ATXN2: variants seen among roughly 807,000 people sequenced by gnomAD.
The protein encoded by ATXN2 is ataxin 2.
Under a neutral mutation model 138.6 loss-of-function variants are expected in ATXN2, and 37 were observed. The ratio of observed to expected loss-of-function variants is 0.27; its 90% CI spans 0.21 to 0.35. ATXN2 has a LOEUF of 0.35. Ranked by LOEUF, ATXN2 falls within the 10% of genes least tolerant of loss-of-function variation. The pLI, the probability that ATXN2 is intolerant of heterozygous loss-of-function variation, is 1.00. For synonymous variants in ATXN2, 549 were observed against 543.7 expected, an observed-to-expected ratio of 1.01 and a Z score of -0.13; for missense variants, 1,216 against 1,480.3, an observed-to-expected ratio of 0.82 and a Z score of 2.93.
intron 14 of ATXN2, among the ~76,000 whole-genome samples, chr12:111,497,216 G>A (rs563313396): frequency 3.9e-5 from 6 of 152,056 alleles, no homozygotes; most frequent in Admixed American, 6.6e-5. Flanking sequence ...AACAAGTAAC[G>A]AGATCAAAGC....
Position 111,599,298 on chromosome 12 carries a change from C to G in ATXN2, c.-264G>C, listed in dbSNP as rs1380791606. On this transcript the variant is annotated 5_prime_UTR_variant, in exon 1 of 25. Transcript: ENST00000673436. ...CCGTTGCTACCAAAACAGTCTGAGG[C>G]GGAGGGAGGCGAGCTCTGCCGGGAG... 1 of 896,028 alleles carries G rather than the reference C, an allele frequency of 1.1e-6. No individual in the cohort carries two copies. The highest frequency in any genetic ancestry group is 3.1e-5 in the African/African-American group (1 of 32,520). The allele number at this position is 896,028 out of a possible 1,614,324, so 55.5% of individuals were successfully genotyped here. A position where few individuals can be genotyped will look rare whatever the true frequency, so the allele number is the denominator to read the frequency against.
rs987203886 is a variant in ATXN2 at position 111,489,728 on chromosome 12, C to T, written c.1936-948G>A. On this transcript the variant is annotated intron_variant, in intron 14 of 24. Transcript: ENST00000673436. ...CTTAAGCTCAGGAGTTCAAGACCAGCCTGGGCAACATAGTGATACCCTGTC... is the reference window on the plus strand; with the variant it reads ...CTTAAGCTCAGGAGTTCAAGACCAGTCTGGGCAACATAGTGATACCCTGTC... Among the ~76,000 whole-genome samples, 3 of 151,572 alleles carry T rather than the reference C, an allele frequency of 2.0e-5. No homozygotes were observed. The East Asian group carries it at 5.8e-4, about 29-fold the overall frequency.
At chr12:111,467,108 T>C (rs1395637302) in intron 20 of ATXN2, among the ~76,000 whole-genome samples, 1 of 151,974 alleles carries the variant, frequency 6.6e-6, no homozygotes, top group African/African-American at 2.4e-5. Flanking sequence ...AATTATGGCT[T>C]ATGATGGCAT....
chr12:111,548,813 G>T (rs188389478), intron 5 of ATXN2, among the ~76,000 whole-genome samples: 1 of 152,246 alleles, frequency 6.6e-6, no homozygotes, highest in Non-Finnish European at 1.5e-5. Flanking sequence ...CTGCCTCCCG[G>T]GTTCAAGCGA....
chr12:111,514,869 A>T (rs1403516554), intron 10 of ATXN2, among the ~76,000 whole-genome samples: 1 of 152,242 alleles, frequency 6.6e-6, no homozygotes, highest in Non-Finnish European at 1.5e-5. Context: ...GAAATATTCA[A>T]CATCTCTGAA....
chr12:111,464,246 G>T (rs1309533558), intron 21 of ATXN2, among the ~76,000 whole-genome samples: 1 of 139,032 alleles, frequency 7.2e-6, no homozygotes, highest in African/African-American at 3.0e-5. Context: ...TTGTGGCTTG[G>T]GGTGTGTGTG....
At chr12:111,527,264 C>G (rs1219392993) in intron 5 of ATXN2, among the ~76,000 whole-genome samples, 1 of 152,190 alleles carries the variant, frequency 6.6e-6, no homozygotes, top group Admixed American at 6.6e-5. Flanking sequence ...GCTGATCTGG[C>G]TCTGCTGAGG....
intron 5 of ATXN2, among the ~76,000 whole-genome samples, chr12:111,533,324 G>C (rs1016531203): frequency 2.0e-5 from 3 of 152,260 alleles, no homozygotes. Context: ...AAAATCCAGG[G>C]ATGCTTAAGT....
intron 6 of ATXN2, among the ~76,000 whole-genome samples, chr12:111,524,221 A>G (rs943469078): frequency 6.6e-6 from 1 of 152,210 alleles, no homozygotes; most frequent in Admixed American, 6.5e-5. Context: ...GTCCAGTTTT[A>G]TTACTAGACT....
chr12:111,458,989 C>T (rs979317669), intron 21 of ATXN2, among the ~76,000 whole-genome samples: 1 of 152,168 alleles, frequency 6.6e-6, no homozygotes, highest in Non-Finnish European at 1.5e-5. Context: ...AGAGCCAGTT[C>T]TAGGATCACC....
At chr12:111,519,358 C>T (rs143488539) in intron 8 of ATXN2, among the ~76,000 whole-genome samples, 1 of 152,290 alleles carries the variant, frequency 6.6e-6, no homozygotes, top group African/African-American at 2.4e-5. Context: ...ACAACCAGCC[C>T]TCTCCTGAGC....
At position 111,598,966 on chromosome 12, in the gene ATXN2, C is replaced by CTGCTGCTGT. The variant is rs1555246691; in HGVS notation, c.68_69insACAGCAGCA (p.Gln26_Gln28dup). ...CGGGCGGCGGCTGCTGCTGCTGCTG[C>CTGCTGCTGT]TGCTGCTGCTGTTGCTGCTGCTGCT... On this transcript the variant is annotated inframe_insertion, in exon 1 of 25. Transcript: ENST00000673436. The surrounding 1 kb of genome is among the most constrained non-coding windows in gnomAD (Gnocchi z 4.5). 372 of 1,502,772 alleles carry CTGCTGCTGT rather than the reference C, an allele frequency of 2.5e-4. No homozygotes were observed. The highest frequency in any genetic ancestry group is 6.2e-4 in the East Asian group (23 of 37,236). The allele number at this position is 1,502,772 out of a possible 1,614,324, so 93.1% of individuals were successfully genotyped here. A position where few individuals can be genotyped will look rare whatever the true frequency, so the allele number is the denominator to read the frequency against.
At chr12:111,539,288 A>C (rs1881360290) in intron 5 of ATXN2, among the ~76,000 whole-genome samples, 2 of 149,816 alleles carry the variant, frequency 1.3e-5, no homozygotes. Context: ...AGTTCAAGAC[A>C]GCCTGGGCAA....
chr12:111,515,580 C>G (rs1490914035), intron 10 of ATXN2, among the ~76,000 whole-genome samples: 1 of 152,152 alleles, frequency 6.6e-6, no homozygotes. Flanking sequence ...ATTAAAGCAG[C>G]CTTTCACTAT....
In ATXN2 at chr12:111,515,679, G is replaced by A. The variant is rs539404962; in HGVS notation, c.1375+475C>T. On this transcript the variant is annotated intron_variant, in intron 10 of 24. Transcript: ENST00000673436. ...TAAAAATCAACTACTTTAATCTAAG[G>A]GCAGACACGCAAAGTCAGCTACATG... is the stretch of plus-strand genomic sequence containing the variant. Among the ~76,000 whole-genome samples, 8 of 152,210 alleles carry A rather than the reference G, an allele frequency of 5.3e-5. No homozygotes were observed. The South Asian group carries it at 1.7e-3, about 32-fold the overall frequency.
At chr12:111,549,899 T>TA (rs1431763717) in intron 5 of ATXN2, among the ~76,000 whole-genome samples, 1 of 151,490 alleles carries the variant, frequency 6.6e-6, no homozygotes, top group Non-Finnish European at 1.5e-5. Context: ...CCGTCTCTAC[T>TA]AAAAATACAA....
rs895780586 is a variant in ATXN2 at position 111,509,822 on chromosome 12, A to G, written c.1864+69T>C. ...GAAATGTTGAACAAAAATATTCTGT[A>G]TGGGCATGAAATTAGACATACTTCT... On this transcript the variant is annotated intron_variant, in intron 13 of 24. Transcript: ENST00000673436. 2.5e-6 allele frequency: 3 copies of G among 1,214,158 alleles called. No individual in the cohort carries two copies. In the African/African-American group the frequency reaches 4.5e-5, roughly 18 times the overall value. The allele number at this position is 1,214,158 out of a possible 1,614,324, so 75.2% of individuals were successfully genotyped here. A position where few individuals can be genotyped will look rare whatever the true frequency, so the allele number is the denominator to read the frequency against.
At chr12:111,548,422 A>G (rs1028770932) in intron 5 of ATXN2, among the ~76,000 whole-genome samples, 3 of 152,150 alleles carry the variant, frequency 2.0e-5, no homozygotes, top group African/African-American at 7.2e-5. Context: ...ATGTGAACAA[A>G]TGTAGGTAAA....
At chr12:111,555,815 T>C in intron 2 of ATXN2, 68 bp downstream of exon 2, 1 of 1,320,642 alleles carries the variant, frequency 7.6e-7, no homozygotes, top group Non-Finnish European at 1.1e-6. Context: ...CCTTGGCATT[T>C]GGTCTGTGGT....
Sources: gnomAD v4.1 joint callset for allele counts (sites outside exome capture counted in the v4.1 genomes callset) on GRCh38, gnomAD v4.1.1 for gene constraint, Gnocchi (gnomAD v3.1) non-coding constraint, MANE v1.5 for transcripts, NCBI Gene and HGNC (gene_info 2026-07-23, HGNC 2026-07-21) for gene names.